Variants in IFT27 observed in about 807,000 individuals in gnomAD.
The protein encoded by IFT27 is intraflagellar transport protein 27 homolog.
In IFT27, 19 loss-of-function variants were observed where a neutral mutation model predicts 23.9. That is an observed-to-expected ratio of 0.79 (90% CI 0.55 to 1.16). The LOEUF (loss-of-function observed/expected upper bound fraction) is 1.16, where lower values mean the gene tolerates loss of function less well. Among genes scored for constraint, IFT27 ranks in the 50% most tolerant of loss-of-function variants. The pLI is 0.00. For missense variants in IFT27, 206 were observed against 228.7 expected, an observed-to-expected ratio of 0.90 and a Z score of 0.64; for synonymous variants, 91 against 89.1, an observed-to-expected ratio of 1.02 and a Z score of -0.12.
rs1258404716 is a variant in IFT27, at chr22:36,758,388, C to T, written c.484G>A (p.Ala162Thr). ...TSVKEMENFE[A>T]PFHCLAKQFH... ...TGCTTGGCAAGGCAGTGGAAAGGGG[C>T]TTCGAAGTTTTCCATCTCTTTCTGG... Residue 162 changes from alanine to threonine, a missense_variant, in exon 7 of 7, where the codon GCC becomes ACC. Ala to Thr is a moderately conservative substitution (Grantham distance 58, BLOSUM62 0). Coordinates refer to ENST00000433985, the MANE Select transcript of IFT27 (RefSeq NM_001177701.3). 23 of 1,614,082 alleles carry T rather than the reference C, an allele frequency of 1.4e-5. No homozygotes were observed. The highest frequency in any genetic ancestry group is 1.6e-5 in the Non-Finnish European group (19 of 1,179,992).
chr22:36,768,144 G>C, intron 1 of IFT27: 1 of 559,750 alleles, frequency 1.8e-6, no homozygotes, highest in South Asian at 1.6e-5. Flanking sequence ...TTGGGGCCCT[G>C]GAAACGGAAC....
chr22:36,769,230 C>T (rs1938338770), intron 1 of IFT27, among the ~76,000 whole-genome samples: 1 of 152,154 alleles, frequency 6.6e-6, no homozygotes, highest in African/African-American at 2.4e-5. Context: ...CCTTCCCCGC[C>T]AAGGTATCAT....
intron 1 of IFT27, among the ~76,000 whole-genome samples, chr22:36,771,603 G>A (rs1253794110): frequency 6.6e-6 from 1 of 152,274 alleles, no homozygotes; most frequent in East Asian, 1.9e-4. Flanking sequence ...CCGGATCCCA[G>A]CTCCCTGGGT....
At chr22:36,775,340 G>A (rs1015927998) in intron 1 of IFT27, among the ~76,000 whole-genome samples, 1 of 151,926 alleles carries the variant, frequency 6.6e-6, no homozygotes, top group Admixed American at 6.6e-5. Flanking sequence ...AAGCACTCAA[G>A]GTTTGCTTAA....
intron 3 of IFT27, 138 bp downstream of exon 3, chr22:36,767,168 G>T (rs9622478): frequency 8.1e-6 from 5 of 620,804 alleles, no homozygotes; most frequent in African/African-American, 7.4e-5. Context: ...AATGCTTCCC[G>T]ATTCTATTCC....
chr22:36,774,071 G>A (rs548059219), intron 1 of IFT27, among the ~76,000 whole-genome samples: 29 of 152,114 alleles, frequency 1.9e-4, no homozygotes, highest in South Asian at 8.3e-4. Flanking sequence ...AAAGTGCTTC[G>A]TCCAAGATGA....
intron 1 of IFT27, among the ~76,000 whole-genome samples, chr22:36,771,047 G>GGTGTGT (rs138610291): frequency 1.3e-5 from 2 of 150,862 alleles, no homozygotes; most frequent in Admixed American, 6.6e-5. Context: ...CCTGTCTTGG[G>GGTGTGT]GTGTGTGTGT....
chr22:36,767,426 G>A (rs1419273020), intron 2 of IFT27, 61 bp from the exon 3 acceptor site: 3 of 1,482,292 alleles, frequency 2.0e-6, no homozygotes, highest in Non-Finnish European at 2.8e-6. Flanking sequence ...CATGTTACAG[G>A]AGGACACACA....
intron 1 of IFT27, among the ~76,000 whole-genome samples, chr22:36,774,070 C>T (rs1043499854): frequency 1.3e-5 from 2 of 152,196 alleles, no homozygotes; most frequent in Non-Finnish European, 2.9e-5. Context: ...AAAAGTGCTT[C>T]GTCCAAGATG....
At chr22:36,766,502 A>G in intron 3 of IFT27, 1 of 418,518 alleles carries the variant, frequency 2.4e-6, no homozygotes, top group South Asian at 2.6e-5. Flanking sequence ...ACCTGGCAGA[A>G]CAGAATGCTA....
chr22:36,763,007 A>G lies in IFT27; in HGVS notation c.359T>C (p.Leu120Ser), dbSNP rs1938138398. The G allele has an allele frequency of 6.3e-7, 1 of 1,597,342 alleles. No homozygotes were observed. Among genetic ancestry groups the G allele is most frequent in the South Asian group, 1.1e-5 (1 of 87,924 alleles). The change falls in exon 6 of 7, where the codon TTA becomes TCA. Residue 120 changes from leucine to serine, a missense_variant. Physicochemically the swap from Leu to Ser is moderately radical, Grantham distance 145 (BLOSUM62 -2). Coordinates refer to ENST00000433985, the MANE Select transcript of IFT27 (RefSeq NM_001177701.3). ...GGCCAGGTCTGTCTTGTTCCCAACT[A>G]AAACACCTACTCAGAAGAAACAACC... is the stretch of plus-strand genomic sequence containing the variant. ...QAPGISLPGV[L>S]VGNKTDLAGR... is the part of the protein sequence containing the mutation.
chr22:36,763,305 CG>C (rs1938148775), intron 5 of IFT27: 1 of 359,270 alleles, frequency 2.8e-6, no homozygotes, highest in Non-Finnish European at 5.0e-6. Flanking sequence ...CGCCTGAAGG[CG>C]AGGGCCAAAT....
At chr22:36,774,933 C>T (rs5750307) in intron 1 of IFT27, among the ~76,000 whole-genome samples, 90,639 of 152,142 alleles carry the variant, frequency 0.6, 30,445 homozygotes, top group East Asian at 0.86. Context: ...ATATGTGTTT[C>T]GCAGTCTATA....
chr22:36,772,618 G>A (rs1343135749), intron 1 of IFT27: 9 of 985,426 alleles, frequency 9.1e-6, no homozygotes, highest in Admixed American at 6.1e-5. Context: ...GTGTTAGAAC[G>A]TATCACACGC....
At position 36,775,781 on chromosome 22, in the gene IFT27, G is replaced by A. The variant is rs1158484381; in HGVS notation, c.-74C>T. On this transcript the variant is annotated 5_prime_UTR_variant, in exon 1 of 7. Coordinates refer to ENST00000433985, the MANE Select transcript of IFT27 (RefSeq NM_001177701.3). ...TAGAGACGCGAGTGGGTGGGCTTCGGGCCCTGGGCTGGCCTGGGACGGGAA... is the reference window on the plus strand; with the variant it reads ...TAGAGACGCGAGTGGGTGGGCTTCGAGCCCTGGGCTGGCCTGGGACGGGAA... 3.3e-6 allele frequency: 5 copies of A among 1,500,466 alleles called. No individual in the cohort carries two copies. In the South Asian group the frequency reaches 4.5e-5, roughly 14 times the overall value. The allele number at this position is 1,500,466 out of a possible 1,614,324, so 92.9% of individuals were successfully genotyped here.
chr22:36,766,260 A>C, intron 3 of IFT27, 63 bp from the exon 4 acceptor site: 1 of 1,368,764 alleles, frequency 7.3e-7, no homozygotes, highest in South Asian at 1.2e-5. Flanking sequence ...AGTCACTGGT[A>C]TCACTCTCAA....
intron 3 of IFT27, chr22:36,766,928 C>CT (rs11428853): frequency 0.67 from 99,613 of 149,412 alleles, 33,760 homozygotes; most frequent in East Asian, 0.86. Flanking sequence ...AGTACTTATA[C>CT]TTTTTTTTTT....
intron 2 of IFT27, 90 bp from the exon 3 acceptor site, chr22:36,767,455 G>A (rs879166994): frequency 1.7e-6 from 2 of 1,162,004 alleles, no homozygotes; most frequent in African/African-American, 3.0e-5. Flanking sequence ...GATCCCAGGA[G>A]GGCTATCTCC....
chr22:36,770,998 C>A (rs1260637162), intron 1 of IFT27, among the ~76,000 whole-genome samples: 4 of 152,196 alleles, frequency 2.6e-5, no homozygotes, highest in African/African-American at 9.7e-5. Flanking sequence ...CTTAGTACTA[C>A]CCTAGCAATG....
Sources: allele counts gnomAD v4.1 joint callset (sites outside exome capture counted in the v4.1 genomes callset), GRCh38; gene constraint gnomAD v4.1.1; transcripts MANE v1.5; gene names NCBI Gene and HGNC (gene_info 2026-07-23, HGNC 2026-07-21).